FAM135B: variants seen among roughly 807,000 people sequenced by gnomAD.
FAM135B encodes protein FAM135B.
In FAM135B, 43 loss-of-function variants were observed where a neutral mutation model predicts 127.7. The observed-to-expected ratio is 0.34, with a 90% CI of 0.26 to 0.43. The LOEUF is 0.43. FAM135B is among the 20% of genes least tolerant of loss of function. The pLI is 1.00. For synonymous variants in FAM135B, 670 were observed against 665.1 expected (o/e 1.01, Z -0.11); for missense variants, 1,558 against 1,725.6 (o/e 0.90, Z 1.72).
At chr8:138,135,137 A>G (rs1586559790) in intron 19 of FAM135B, among the ~76,000 whole-genome samples, 1 of 152,306 alleles carries the variant, frequency 6.6e-6, no homozygotes, top group East Asian at 1.9e-4. Context: ...TGTTTCAATA[A>G]AACTTTATTT....
chr8:138,277,201 A>G (rs1252919079), intron 3 of FAM135B, among the ~76,000 whole-genome samples: 3 of 152,128 alleles, frequency 2.0e-5, no homozygotes, highest in South Asian at 2.1e-4. Context: ...AGGACAGCAG[A>G]GGCTCTTGCA....
At chr8:138,183,447 C>T (rs1459702831) in intron 9 of FAM135B, among the ~76,000 whole-genome samples, 1 of 152,094 alleles carries the variant, frequency 6.6e-6, no homozygotes, top group Non-Finnish European at 1.5e-5. Context: ...GCATGCTGGC[C>T]CCTGTACCAC....
chr8:138,427,039 A>C (rs1220187349), intron 1 of FAM135B, among the ~76,000 whole-genome samples: 1 of 152,012 alleles, frequency 6.6e-6, no homozygotes, highest in Non-Finnish European at 1.5e-5. Flanking sequence ...AAAAGAAGCC[A>C]AACAGAAAAA....
chr8:138,271,283 C>G (rs548798351), intron 3 of FAM135B, among the ~76,000 whole-genome samples: 103 of 152,288 alleles, frequency 6.8e-4, no homozygotes, highest in Admixed American at 1.2e-3. Context: ...ATTTCTATCT[C>G]AAAGAATATA....
At chr8:138,295,832 T>C (rs1825440962) in intron 3 of FAM135B, among the ~76,000 whole-genome samples, 1 of 152,158 alleles carries the variant, frequency 6.6e-6, no homozygotes, top group Admixed American at 6.5e-5. Flanking sequence ...AGGCTTTGTG[T>C]AAGTGGGAGT....
At chr8:138,171,025 C>T (rs955047598) in intron 11 of FAM135B, among the ~76,000 whole-genome samples, 4 of 152,190 alleles carry the variant, frequency 2.6e-5, no homozygotes, top group Non-Finnish European at 5.9e-5. Context: ...GCTCCCAGGC[C>T]TTTGGCCACC....
intron 4 of FAM135B, among the ~76,000 whole-genome samples, chr8:138,262,903 G>GAAAAA (rs71316332): frequency 4.2e-5 from 4 of 95,334 alleles, no homozygotes; most frequent in African/African-American, 8.6e-5. Flanking sequence ...CTCTGTCTCA[G>GAAAAA]AAAAAAAAAA....
intron 1 of FAM135B, among the ~76,000 whole-genome samples, chr8:138,394,695 G>A (rs1216780370): frequency 1.3e-5 from 2 of 149,152 alleles, no homozygotes; most frequent in Non-Finnish European, 2.9e-5. Flanking sequence ...GAGTTCTCTC[G>A]ACCCCACAAC....
At chr8:138,202,999 C>T (rs1817266423) in intron 7 of FAM135B, among the ~76,000 whole-genome samples, 1 of 152,122 alleles carries the variant, frequency 6.6e-6, no homozygotes, top group Admixed American at 6.5e-5. Context: ...GTGCCAGTTT[C>T]CTAATGAGGA....
Position 138,416,447 on chromosome 8 carries a change from A to T in FAM135B, c.-19-48445T>A, listed in dbSNP as rs967216534. 3.3e-5 allele frequency among the ~76,000 whole-genome samples: 5 copies of T among 152,312 alleles called. No individual in the cohort carries two copies. The South Asian group carries it at 1.0e-3, about 32-fold the overall frequency. Reference sequence around the variant, plus strand: ...TCCAGTCTAATACAGCTGGAGTAAAATATAATAATATGCATAATCATATTT... The same window carrying T: ...TCCAGTCTAATACAGCTGGAGTAAATTATAATAATATGCATAATCATATTT... On this transcript the variant is annotated intron_variant, in intron 1 of 19. Coordinates refer to ENST00000395297, the MANE Select transcript of FAM135B (RefSeq NM_015912.4).
At chr8:138,452,607 T>C (rs554593174) in intron 1 of FAM135B, among the ~76,000 whole-genome samples, 21 of 152,258 alleles carry the variant, frequency 1.4e-4, no homozygotes, top group African/African-American at 4.8e-4. Context: ...GTTAACAAAT[T>C]ATGTAAATAC....
At chr8:138,332,725 G>T (rs1204412713) in intron 2 of FAM135B, among the ~76,000 whole-genome samples, 1 of 151,992 alleles carries the variant, frequency 6.6e-6, no homozygotes, top group Non-Finnish European at 1.5e-5. Context: ...AGGATTTAGG[G>T]GCCTACGCAA....
At chr8:138,324,877 C>G (rs1178437969) in intron 2 of FAM135B, among the ~76,000 whole-genome samples, 1 of 152,142 alleles carries the variant, frequency 6.6e-6, no homozygotes, top group Non-Finnish European at 1.5e-5. Context: ...CTACAGGAAG[C>G]TGAAAAGCAA....
At chr8:138,135,701 A>T (rs1038203890) in intron 19 of FAM135B, among the ~76,000 whole-genome samples, 3 of 152,186 alleles carry the variant, frequency 2.0e-5, no homozygotes, top group African/African-American at 7.2e-5. Flanking sequence ...AATACCATAG[A>T]TGTATTAAAA....
At chr8:138,486,008 T>C (rs910923650) in intron 1 of FAM135B, among the ~76,000 whole-genome samples, 6 of 152,006 alleles carry the variant, frequency 3.9e-5, no homozygotes, top group Non-Finnish European at 7.4e-5. Context: ...CCTAGGTAAT[T>C]GCAGAAGTGG....
chr8:138,337,220 C>T (rs1262037730), intron 2 of FAM135B, among the ~76,000 whole-genome samples: 1 of 151,362 alleles, frequency 6.6e-6, no homozygotes, highest in Non-Finnish European at 1.5e-5. Context: ...CCCTCTCTCA[C>T]CACTCCTATT....
chr8:138,140,373 G>T (rs1044043872), intron 17 of FAM135B, among the ~76,000 whole-genome samples: 1 of 152,124 alleles, frequency 6.6e-6, no homozygotes, highest in Non-Finnish European at 1.5e-5. Flanking sequence ...GAACAATCAG[G>T]GACTACTGAG....
chr8:138,427,864 A>G (rs915943038), intron 1 of FAM135B, among the ~76,000 whole-genome samples: 2 of 151,876 alleles, frequency 1.3e-5, no homozygotes, highest in Admixed American at 1.3e-4. Flanking sequence ...CAAACTTCCT[A>G]CTCATCCCAA....
chr8:138,146,562 G>A (rs995015256), intron 14 of FAM135B, among the ~76,000 whole-genome samples: 1 of 152,098 alleles, frequency 6.6e-6, no homozygotes, highest in Non-Finnish European at 1.5e-5. Flanking sequence ...CTGTCTCTTG[G>A]GAACAAGAGA....
Sources: gnomAD v4.1 joint callset for allele counts (sites outside exome capture counted in the v4.1 genomes callset) on GRCh38, gnomAD v4.1.1 for gene constraint, MANE v1.5 for transcripts, NCBI Gene and HGNC (gene_info 2026-07-23, HGNC 2026-07-21) for gene names.